PCDH9: variants seen among roughly 807,000 people sequenced by gnomAD.
PCDH9 encodes the protein protocadherin 9, also known as protocadherin-9.
PCDH9 carries 24 observed loss-of-function variants against 70.6 expected under a neutral mutation model. That is an observed-to-expected ratio of 0.34 (90% CI 0.25 to 0.48). The LOEUF (loss-of-function observed/expected upper bound fraction) is 0.48. Among genes scored for constraint, PCDH9 ranks in the 20% least tolerant of loss-of-function variants. The probability of loss-of-function intolerance (pLI) is 0.99; values close to 1 mark genes in which losing one functional copy is unlikely to be tolerated. For missense variants in PCDH9, 1,281 were observed against 1,503.6 expected (o/e 0.85, Z 2.45); for synonymous variants, 562 against 558.5 (o/e 1.01, Z -0.09).
intron 4 of PCDH9, among the ~76,000 whole-genome samples, chr13:66,533,173 A>G (rs1347696388): frequency 6.6e-6 from 1 of 152,168 alleles, no homozygotes; most frequent in Non-Finnish European, 1.5e-5. Context: ...GGTGAAACGG[A>G]ACCAGCTGTT....
intron 3 of PCDH9, among the ~76,000 whole-genome samples, chr13:66,760,970 C>A (rs1407667135): frequency 6.6e-6 from 1 of 152,104 alleles, no homozygotes; most frequent in Non-Finnish European, 1.5e-5. Context: ...TGCTCCTGAA[C>A]CCTGTTTCCT....
At chr13:67,048,595 A>G (rs1428133909) in intron 2 of PCDH9, among the ~76,000 whole-genome samples, 1 of 152,240 alleles carries the variant, frequency 6.6e-6, no homozygotes, top group African/African-American at 2.4e-5. Context: ...TGCATGGGAA[A>G]ACAAAAGATA....
chr13:66,390,737 A>AG (rs1258588200), intron 4 of PCDH9, among the ~76,000 whole-genome samples: 3 of 151,640 alleles, frequency 2.0e-5, no homozygotes, highest in South Asian at 4.2e-4. Flanking sequence ...TCATCTCAAA[A>AG]AAAAAAAAAA....
chr13:66,984,867 G>A (rs1446261688), intron 2 of PCDH9, among the ~76,000 whole-genome samples: 1 of 151,836 alleles, frequency 6.6e-6, no homozygotes, highest in Non-Finnish European at 1.5e-5. Flanking sequence ...TTTCCTATAT[G>A]GTTTTCTAAG....
chr13:66,345,781 G>A (rs17501421), intron 4 of PCDH9, among the ~76,000 whole-genome samples: 7,251 of 152,156 alleles, frequency 0.048, 215 homozygotes, highest in Non-Finnish European at 0.068. Flanking sequence ...CGTACCCTGC[G>A]TATGAGCTAA....
intron 2 of PCDH9, among the ~76,000 whole-genome samples, chr13:67,033,672 G>T (rs954752999): frequency 6.6e-6 from 1 of 152,040 alleles, no homozygotes; most frequent in Non-Finnish European, 1.5e-5. Context: ...TGCTATACTC[G>T]TACCACTGAG....
intron 4 of PCDH9, among the ~76,000 whole-genome samples, chr13:66,418,919 C>A (rs1344180213): frequency 6.6e-6 from 1 of 152,104 alleles, no homozygotes; most frequent in Non-Finnish European, 1.5e-5. Context: ...TCACACTGAT[C>A]TTACAGAAAT....
Position 66,934,252 on chromosome 13 carries a change from C to A in PCDH9, c.3037-30647G>T, listed in dbSNP as rs974643392. ...ACCTAAGAAAAATGCAAAAACTTGC[C>A]CGGGTGCGGTGACTCCCATCTGTAA... On this transcript the variant is annotated intron_variant, in intron 2 of 4. Transcript: ENST00000377865. 2.0e-5 allele frequency among the ~76,000 whole-genome samples: 3 copies of A among 152,114 alleles called. No individual in the cohort carries two copies. In the East Asian group the frequency reaches 5.8e-4, roughly 29 times the overall value.
Position 66,304,606 on chromosome 13 carries a change from C to G in PCDH9, c.*49G>C. ...TGAATACATAAAGCTCTGACGCACA[C>G]GGTATTAGCATGTCTATTTAAAGTT... On this transcript the variant is annotated 3_prime_UTR_variant, in exon 5 of 5. Coordinates refer to ENST00000377865, the MANE Select transcript of PCDH9 (RefSeq NM_203487.3). 2 of 1,465,308 alleles carry G rather than the reference C, an allele frequency of 1.4e-6. No homozygotes were observed. Among genetic ancestry groups the G allele is most frequent in the East Asian group, 2.3e-5 (1 of 43,986 alleles). 90.8% of individuals were successfully genotyped at this position (1,465,308 alleles called of 1,614,324 possible).
At chr13:66,717,276 C>A (rs11840271) in intron 3 of PCDH9, among the ~76,000 whole-genome samples, 1 of 150,268 alleles carries the variant, frequency 6.7e-6, no homozygotes, top group Admixed American at 6.7e-5. Flanking sequence ...GCCAAAATGG[C>A]GAAACTCTGT....
intron 2 of PCDH9, among the ~76,000 whole-genome samples, chr13:67,010,157 C>G (rs1273119623): frequency 2.0e-5 from 3 of 151,960 alleles, no homozygotes; most frequent in Admixed American, 1.3e-4. Context: ...ATGATCTAAC[C>G]TCAATTTTTC....
intron 4 of PCDH9, among the ~76,000 whole-genome samples, chr13:66,369,826 C>G (rs1361713830): frequency 6.6e-6 from 1 of 152,002 alleles, no homozygotes; most frequent in Non-Finnish European, 1.5e-5. Context: ...AAATTGTTGA[C>G]AGTATGGCCT....
At chr13:66,676,388 C>T (rs1159313636) in intron 3 of PCDH9, among the ~76,000 whole-genome samples, 1 of 143,972 alleles carries the variant, frequency 6.9e-6, no homozygotes, top group Non-Finnish European at 1.6e-5. Context: ...TAGAACTAAG[C>T]TTATACATTA....
At chr13:66,776,016 C>G (rs2079886585) in intron 3 of PCDH9, among the ~76,000 whole-genome samples, 1 of 152,180 alleles carries the variant, frequency 6.6e-6, no homozygotes, top group Non-Finnish European at 1.5e-5. Flanking sequence ...TGTCTCAGGT[C>G]ATTTGACACA....
At chr13:66,873,940 C>CTTTTTTTTTTT (rs528441546) in intron 3 of PCDH9, among the ~76,000 whole-genome samples, 1 of 111,130 alleles carries the variant, frequency 9.0e-6, no homozygotes, top group Non-Finnish European at 1.8e-5. Context: ...TTCTTTCTTT[C>CTTTTTTTTTTT]TTTTTTTTTT....
In PCDH9 at chr13:66,903,538, A is replaced by T. The variant is rs772152735; in HGVS notation, c.3104T>A (p.Phe1035Tyr). The change falls in exon 3 of 5, where the codon TTC (phenylalanine) becomes TAC (tyrosine). Residue 1035 changes from phenylalanine (F) to tyrosine (Y), a missense_variant. Physicochemically the swap from Phe to Tyr is conservative, Grantham distance 22. Transcript: ENST00000377865. ...GCTTTCTTCATTCTCCTGAATGTGG[A>T]AACCCGTGGAGCTGGGACATTTCTG... ...TPQKCPSSTG[F>Y]HIQENEESHY... 7.0e-6 allele frequency: 11 copies of T among 1,575,512 alleles called. No individual in the cohort carries two copies. Among genetic ancestry groups the T allele is most frequent in the Non-Finnish European group, 7.9e-6 (9 of 1,146,252 alleles).
intron 2 of PCDH9, among the ~76,000 whole-genome samples, chr13:67,166,644 A>C (rs58097808): frequency 0.01 from 1,556 of 152,234 alleles, 28 homozygotes; most frequent in African/African-American, 0.034. Context: ...TGATCAGTAA[A>C]AATTTTTGAG....
In PCDH9 at chr13:67,192,005, GAA is replaced by G. The variant is rs11301689; in HGVS notation, c.3036+33398_3036+33399del. Among the ~76,000 whole-genome samples the G allele has an allele frequency of 1.4e-3, 204 of 149,210 alleles. 1 individual carries two copies. The highest frequency in any genetic ancestry group is 2.9e-3 in the African/African-American group (117 of 40,670). On this transcript the variant is annotated intron_variant, in intron 2 of 4. Transcript: ENST00000377865. Reference sequence around the variant, plus strand: ...AAATTCCACAATGATACCTATTTCAGAAAAAAAAAAACATGTTGTACAAGTGT... The same window carrying G: ...AAATTCCACAATGATACCTATTTCAGAAAAAAAAACATGTTGTACAAGTGT...
chr13:67,128,477 C>T (rs2087032007), intron 2 of PCDH9, among the ~76,000 whole-genome samples: 1 of 152,120 alleles, frequency 6.6e-6, no homozygotes, highest in Non-Finnish European at 1.5e-5. Flanking sequence ...GTTTACATGA[C>T]CTCGTGCTGA....
Sources: allele counts gnomAD v4.1 joint callset (sites outside exome capture counted in the v4.1 genomes callset), GRCh38; gene constraint gnomAD v4.1.1; transcripts MANE v1.5; gene names NCBI Gene and HGNC (gene_info 2026-07-23, HGNC 2026-07-21).